The following FHOD3 variants were observed in gnomAD, a reference collection of about 807,000 sequenced individuals.
The protein encoded by FHOD3 is formin homology 2 domain containing 3, also known as FH1/FH2 domain-containing protein 3.
Under a neutral mutation model 173.0 loss-of-function variants are expected in FHOD3, and 90 were observed. The ratio of observed to expected loss-of-function variants is 0.52; its 90% CI spans 0.44 to 0.62. FHOD3 has a LOEUF of 0.62. Ranked by LOEUF, FHOD3 falls within the 20% of genes least tolerant of loss-of-function variation. The pLI is 0.00. For missense variants in FHOD3, 1,945 were observed against 2,034.7 expected (o/e 0.96, Z 0.85); for synonymous variants, 828 against 823.0 (o/e 1.01, Z -0.10).
chr18:36,610,523 C>T (rs1386643011), intron 8 of FHOD3, among the ~76,000 whole-genome samples: 1 of 152,238 alleles, frequency 6.6e-6, no homozygotes, highest in African/African-American at 2.4e-5. Flanking sequence ...TCACAGCTTC[C>T]TGCCTTGTGT....
At chr18:36,643,853 T>C (rs142589402) in intron 10 of FHOD3, among the ~76,000 whole-genome samples, 126 of 152,352 alleles carry the variant, frequency 8.3e-4, no homozygotes, top group African/African-American at 2.9e-3. Flanking sequence ...TCCCAGTGTA[T>C]TGCTCAACTT....
intron 20 of FHOD3, among the ~76,000 whole-genome samples, chr18:36,737,437 G>T (rs1221588873): frequency 1.3e-5 from 2 of 152,308 alleles, no homozygotes; most frequent in East Asian, 3.9e-4. Flanking sequence ...ACATCTGCTT[G>T]AAGTGTCTTG....
In FHOD3 at chr18:36,710,640, CTT is replaced by C. The variant is rs879234213; in HGVS notation, c.2533+1251_2533+1252del. On this transcript the variant is annotated intron_variant, in intron 18 of 28. Coordinates refer to ENST00000590592, the MANE Select transcript of FHOD3 (RefSeq NM_001281740.3). ...GCAGTAAAAACAAGAAGATAAAAGACTTTATTAGTTTACATCTTAGGAATTAT... is the reference window on the plus strand; with the variant it reads ...GCAGTAAAAACAAGAAGATAAAAGACTATTAGTTTACATCTTAGGAATTAT... 6 of 152,228 alleles carry C rather than the reference CTT, an allele frequency of 3.9e-5. No homozygotes were observed. In the South Asian group the frequency reaches 6.2e-4, roughly 16 times the overall value. The allele number at this position is 152,228 out of a possible 1,614,324, so 9.4% of individuals were successfully genotyped here.
At chr18:36,511,020 T>C (rs2055607631) in intron 4 of FHOD3, among the ~76,000 whole-genome samples, 1 of 152,230 alleles carries the variant, frequency 6.6e-6, no homozygotes, top group Admixed American at 6.5e-5. Context: ...GCTGATTTCA[T>C]GTAGGAACAG....
At chr18:36,401,415 C>T (rs760077377) in intron 3 of FHOD3, among the ~76,000 whole-genome samples, 3 of 152,168 alleles carry the variant, frequency 2.0e-5, no homozygotes, top group Admixed American at 6.5e-5. Context: ...TTATGAATTA[C>T]CCAGTCTAAA....
intron 7 of FHOD3, among the ~76,000 whole-genome samples, chr18:36,600,138 T>G (rs1478024188): frequency 6.6e-6 from 1 of 152,134 alleles, no homozygotes; most frequent in Non-Finnish European, 1.5e-5. Flanking sequence ...GAGCTCCAGA[T>G]GAGCTTCCTG....
At chr18:36,298,895 A>G (rs1022927092) in intron 1 of FHOD3, among the ~76,000 whole-genome samples, 2 of 152,070 alleles carry the variant, frequency 1.3e-5, no homozygotes, top group Non-Finnish European at 2.9e-5. Flanking sequence ...CCTTACTCTC[A>G]CTTAGACAGA....
chr18:36,584,030 G>A (rs183709992), intron 6 of FHOD3, among the ~76,000 whole-genome samples: 1 of 152,202 alleles, frequency 6.6e-6, no homozygotes, highest in East Asian at 1.9e-4. Context: ...GTTTCACCAT[G>A]TTGCCCAGTC....
At chr18:36,596,525 T>G (rs2030462368) in intron 7 of FHOD3, among the ~76,000 whole-genome samples, 1 of 151,996 alleles carries the variant, frequency 6.6e-6, no homozygotes, top group African/African-American at 2.4e-5. Context: ...CACCTTTGAA[T>G]GCTGAATCCA....
chr18:36,482,929 A>G (rs2054007722), intron 3 of FHOD3, among the ~76,000 whole-genome samples: 1 of 151,740 alleles, frequency 6.6e-6, no homozygotes. Context: ...CCAGGTTTAC[A>G]ATGCATGACT....
At chr18:36,573,539 A>G (rs2058534761) in intron 5 of FHOD3, among the ~76,000 whole-genome samples, 1 of 152,078 alleles carries the variant, frequency 6.6e-6, no homozygotes, top group African/African-American at 2.4e-5. Context: ...CTGGGTGGAT[A>G]AGGCTGCAGT....
At position 36,658,141 on chromosome 18, in the gene FHOD3, C is replaced by A; in HGVS notation, c.1788C>A (p.Thr596=). ...CCTCATCTGGATCCAGTGTGCCCAC[C>A]ACCCCCACATCATCCGTCTCACCCC... is the stretch of plus-strand genomic sequence containing the variant. The part of the protein sequence containing the change: ...SRPSSGSSVP[T]TPTSSVSPPQ... Residue 596 remains threonine, a synonymous_variant, in exon 14 of 29, where the codon ACC becomes ACA. Coordinates refer to ENST00000590592, the MANE Select transcript of FHOD3 (RefSeq NM_001281740.3). 6.3e-7 allele frequency: 1 copy of A among 1,592,432 alleles called. No individual in the cohort carries two copies. Among genetic ancestry groups the A allele is most frequent in the African/African-American group, 1.4e-5 (1 of 73,080 alleles).
chr18:36,742,104 T>C (rs1047683753), intron 21 of FHOD3, among the ~76,000 whole-genome samples: 1 of 151,876 alleles, frequency 6.6e-6, no homozygotes, highest in African/African-American at 2.4e-5. Flanking sequence ...CTTTGGGATA[T>C]AGGCTGGGGG....
intron 2 of FHOD3, among the ~76,000 whole-genome samples, chr18:36,361,014 A>G (rs541980573): frequency 1.4e-4 from 21 of 152,304 alleles, no homozygotes; most frequent in African/African-American, 4.8e-4. Context: ...CCATGTTAAG[A>G]GAGAGATTCT....
chr18:36,559,392 A>G (rs914065510), intron 5 of FHOD3, among the ~76,000 whole-genome samples: 2 of 152,106 alleles, frequency 1.3e-5, no homozygotes, highest in Non-Finnish European at 2.9e-5. Context: ...GTCCTCCTCC[A>G]CTCAGAAGGA....
chr18:36,464,824 C>CTAT (rs1423750783), intron 3 of FHOD3, among the ~76,000 whole-genome samples: 1 of 152,016 alleles, frequency 6.6e-6, no homozygotes, highest in African/African-American at 2.4e-5. Context: ...ACTCTTCTTG[C>CTAT]TCCCACCCTC....
chr18:36,643,849 T>C (rs2035499434), intron 10 of FHOD3, among the ~76,000 whole-genome samples: 1 of 152,208 alleles, frequency 6.6e-6, no homozygotes, highest in African/African-American at 2.4e-5. Context: ...CTGCTCCCAG[T>C]GTATTGCTCA....
At chr18:36,328,900 T>A (rs1477146392) in intron 1 of FHOD3, among the ~76,000 whole-genome samples, 1 of 152,140 alleles carries the variant, frequency 6.6e-6, no homozygotes, top group Non-Finnish European at 1.5e-5. Context: ...GGGCTGTCAG[T>A]TGGATTCCAA....
intron 20 of FHOD3, among the ~76,000 whole-genome samples, chr18:36,734,573 A>G (rs919355333): frequency 6.6e-6 from 1 of 151,950 alleles, no homozygotes; most frequent in African/African-American, 2.4e-5. Context: ...CATCCAGGGC[A>G]CTCTCAGGCA....
Sources: gnomAD v4.1 joint callset for allele counts (sites outside exome capture counted in the v4.1 genomes callset) on GRCh38, gnomAD v4.1.1 for gene constraint, MANE v1.5 for transcripts, NCBI Gene and HGNC (gene_info 2026-07-23, HGNC 2026-07-21) for gene names.